Variants in BCHE observed in about 807,000 individuals in gnomAD.
BCHE encodes butyrylcholinesterase.
BCHE carries 48 observed loss-of-function variants against 51.3 expected under a neutral mutation model. The ratio of observed to expected loss-of-function variants is 0.94; its 90% CI spans 0.74 to 1.19. BCHE has a LOEUF of 1.19. BCHE is among the 50% of genes most tolerant of loss of function. BCHE has a pLI of 0.00. For synonymous variants in BCHE, 251 were observed against 238.0 expected, an observed-to-expected ratio of 1.05 and a Z score of -0.50; for missense variants, 847 against 708.2, an observed-to-expected ratio of 1.20 and a Z score of -2.23.
In BCHE at chr3:165,829,506, T is replaced by C. The variant is rs56087307; in HGVS notation, c.1517+11A>G. 2 of 1,606,052 alleles carry C rather than the reference T, an allele frequency of 1.2e-6. No individual in the cohort carries two copies. Among genetic ancestry groups the C allele is most frequent in the Non-Finnish European group, 1.7e-6 (2 of 1,172,974 alleles). ...CCAAGCCAGAGAACAATGACAAAAA[T>C]CAGCACTTACCCATATTTTGCAAAA... On this transcript the variant is annotated intron_variant, in intron 2 of 3. Transcript: ENST00000264381.
At chr3:165,825,461 T>A (rs555508838) in intron 2 of BCHE, among the ~76,000 whole-genome samples, 2 of 152,190 alleles carry the variant, frequency 1.3e-5, no homozygotes, top group South Asian at 4.2e-4. Context: ...GGAAATAAAT[T>A]AATAAGCTGA....
At chr3:165,804,378 T>A (rs965901825) in intron 2 of BCHE, among the ~76,000 whole-genome samples, 1 of 152,160 alleles carries the variant, frequency 6.6e-6, no homozygotes, top group Admixed American at 6.5e-5. Context: ...ATTACATATT[T>A]TTTTTTACAG....
At chr3:165,803,984 G>A (rs1303018115) in intron 2 of BCHE, among the ~76,000 whole-genome samples, 1 of 151,438 alleles carries the variant, frequency 6.6e-6, no homozygotes, top group African/African-American at 2.4e-5. Context: ...GGATTGAGCT[G>A]CAGTATATTA....
chr3:165,822,081 T>C (rs551948977), intron 2 of BCHE, among the ~76,000 whole-genome samples: 14 of 152,100 alleles, frequency 9.2e-5, no homozygotes, highest in African/African-American at 3.1e-4. Context: ...GTTAAGTAGC[T>C]TGTGATTTTA....
At position 165,830,405 on chromosome 3, in the gene BCHE, A is replaced by C. The variant is rs1714920571; in HGVS notation, c.629T>G (p.Ile210Arg). The change falls in exon 2 of 4, where the codon ATA becomes AGA. Residue 210 changes from isoleucine (I) to arginine (R), a missense_variant. Ile to Arg is a moderately conservative substitution (Grantham distance 97). Transcript: ENST00000264381. Reference sequence around the variant, plus strand: ...TTTAGGATTTCCACCAAAGGCTGCTATATTTTTTTGAACCCACTGAAGAGC... The same window carrying C: ...TTTAGGATTTCCACCAAAGGCTGCTCTATTTTTTTGAACCCACTGAAGAGC... ...QLALQWVQKN[I>R]AAFGGNPKSV... 2 of 1,613,870 alleles carry C rather than the reference A, an allele frequency of 1.2e-6. No individual in the cohort carries two copies. Among genetic ancestry groups the C allele is most frequent in the South Asian group, 1.1e-5 (1 of 91,082 alleles).
intron 3 of BCHE, among the ~76,000 whole-genome samples, chr3:165,785,707 T>C (rs1712919505): frequency 6.6e-6 from 1 of 151,686 alleles, no homozygotes; most frequent in Admixed American, 6.6e-5. Context: ...AGTTTTTTTC[T>C]CCATTTAAAT....
chr3:165,798,370 T>A (rs1713502830), intron 2 of BCHE, among the ~76,000 whole-genome samples: 1 of 152,162 alleles, frequency 6.6e-6, no homozygotes, highest in Admixed American at 6.5e-5. Context: ...TTCAGAGGTA[T>A]ATGAGTAAAT....
chr3:165,824,702 C>T (rs940168601), intron 2 of BCHE, among the ~76,000 whole-genome samples: 4 of 151,636 alleles, frequency 2.6e-5, no homozygotes, highest in Non-Finnish European at 4.4e-5. Flanking sequence ...GCTTGCATGA[C>T]GTAGAAAATC....
At chr3:165,807,545 TATTTTTA>T (rs1560013762) in intron 2 of BCHE, among the ~76,000 whole-genome samples, 7 of 151,320 alleles carry the variant, frequency 4.6e-5, no homozygotes, top group African/African-American at 1.7e-4. Flanking sequence ...TTTATTTATT[TATTTTTA>T]TTTATTTATT....
intron 2 of BCHE, among the ~76,000 whole-genome samples, chr3:165,808,899 T>C (rs1270839275): frequency 3.3e-5 from 5 of 152,162 alleles, no homozygotes; most frequent in Non-Finnish European, 7.4e-5. Flanking sequence ...CACGGGCATA[T>C]ACTGCAGAAA....
At chr3:165,824,318 T>C (rs1300656967) in intron 2 of BCHE, among the ~76,000 whole-genome samples, 1 of 151,938 alleles carries the variant, frequency 6.6e-6, no homozygotes, top group Non-Finnish European at 1.5e-5. Context: ...AACAAAAATA[T>C]GATGGTCCTT....
chr3:165,787,071 T>G (rs1712983012), intron 2 of BCHE, among the ~76,000 whole-genome samples: 1 of 151,834 alleles, frequency 6.6e-6, no homozygotes, highest in African/African-American at 2.4e-5. Flanking sequence ...TGGAATTCTT[T>G]TATTTTCCAA....
intron 2 of BCHE, among the ~76,000 whole-genome samples, chr3:165,822,865 G>C (rs1233607033): frequency 2.6e-5 from 4 of 152,052 alleles, no homozygotes; most frequent in Non-Finnish European, 1.5e-5. Flanking sequence ...CTGTACCACT[G>C]GGATAGTATT....
At position 165,786,210 on chromosome 3, in the gene BCHE, G is replaced by A. The variant is rs200817146; in HGVS notation, c.1619C>T (p.Thr540Met). ...TLNTESTRIM[T>M]KLRAQQCRFW... ...TCGACATTGTTGAGCACGTAGTTTCGTCATTATTCTTGTTGACTCTGTATT... is the reference window on the plus strand; with the variant it reads ...TCGACATTGTTGAGCACGTAGTTTCATCATTATTCTTGTTGACTCTGTATT... The change falls in exon 3 of 4, where the codon ACG becomes ATG. Residue 540 changes from threonine (T) to methionine (M), a missense_variant. Thr to Met is a moderately conservative substitution (Grantham distance 81). Coordinates refer to ENST00000264381, the MANE Select transcript of BCHE (RefSeq NM_000055.4). 1.4e-5 allele frequency: 23 copies of A among 1,612,240 alleles called. No individual in the cohort carries two copies. The highest frequency in any genetic ancestry group is 1.6e-5 in the Non-Finnish European group (19 of 1,178,760).
At chr3:165,780,027 G>C (rs1289151342) in intron 3 of BCHE, among the ~76,000 whole-genome samples, 7 of 152,168 alleles carry the variant, frequency 4.6e-5, no homozygotes, top group Admixed American at 3.9e-4. Context: ...CAAGGCTATA[G>C]TAACCAAAAC....
At chr3:165,814,635 T>G (rs1576860030) in intron 2 of BCHE, among the ~76,000 whole-genome samples, 2 of 152,014 alleles carry the variant, frequency 1.3e-5, no homozygotes, top group Non-Finnish European at 2.9e-5. Context: ...CTGGCCTGAT[T>G]TCTTTTCTGC....
intron 2 of BCHE, among the ~76,000 whole-genome samples, chr3:165,809,897 T>C (rs983975858): frequency 6.6e-6 from 1 of 152,182 alleles, no homozygotes; most frequent in Non-Finnish European, 1.5e-5. Flanking sequence ...AGTATTATCA[T>C]ACTAAGAATT....
intron 3 of BCHE, among the ~76,000 whole-genome samples, chr3:165,780,622 A>G (rs551321692): frequency 1.2e-3 from 187 of 152,358 alleles, no homozygotes; most frequent in African/African-American, 4.2e-3. Flanking sequence ...ACACTTCTCA[A>G]AAGAAGACAT....
At chr3:165,777,259 C>T (rs930882256) in intron 3 of BCHE, among the ~76,000 whole-genome samples, 2 of 151,802 alleles carry the variant, frequency 1.3e-5, no homozygotes, top group African/African-American at 4.8e-5. Flanking sequence ...GGACCTTATT[C>T]ATATAACTAT....
Sources: allele counts gnomAD v4.1 joint callset (sites outside exome capture counted in the v4.1 genomes callset), GRCh38; gene constraint gnomAD v4.1.1; transcripts MANE v1.5; gene names NCBI Gene and HGNC (gene_info 2026-07-23, HGNC 2026-07-21).